The following DSCAM variants were observed in gnomAD, a reference collection of about 807,000 sequenced individuals.
DSCAM encodes the protein cell adhesion molecule DSCAM.
DSCAM carries 47 observed loss-of-function variants against 217.7 expected under a neutral mutation model. The observed-to-expected ratio is 0.22, with a 90% CI of 0.17 to 0.28. The LOEUF (loss-of-function observed/expected upper bound fraction) is 0.28. DSCAM is among the 10% of genes least tolerant of loss of function. The pLI is 1.00. For synonymous variants in DSCAM, 1,056 were observed against 1,015.3 expected (o/e 1.04, Z -0.76); for missense variants, 2,080 against 2,618.3 (o/e 0.79, Z 4.49).
At chr21:40,079,030 C>G in intron 25 of DSCAM, 53 bp from the exon 26 acceptor site, 2 of 1,576,062 alleles carry the variant, frequency 1.3e-6, no homozygotes, top group South Asian at 1.2e-5. Context: ...GGGAGGCCAT[C>G]AGCATCTTCA....
intron 18 of DSCAM, among the ~76,000 whole-genome samples, chr21:40,140,235 G>A (rs554962871): frequency 2.0e-4 from 31 of 152,206 alleles, no homozygotes; most frequent in African/African-American, 3.9e-4. Context: ...CTTATCTTTC[G>A]GAAATGAAGT....
intron 9 of DSCAM, among the ~76,000 whole-genome samples, chr21:40,308,329 A>G (rs927186856): frequency 2.0e-5 from 3 of 152,246 alleles, no homozygotes; most frequent in African/African-American, 4.8e-5. Flanking sequence ...AGTAACCCTT[A>G]TGCTGGGGAT....
At chr21:40,784,884 G>A (rs1304101410) in intron 1 of DSCAM, among the ~76,000 whole-genome samples, 1 of 152,192 alleles carries the variant, frequency 6.6e-6, no homozygotes, top group African/African-American at 2.4e-5. Flanking sequence ...GCACACAGGT[G>A]TGACATTCTG....
intron 5 of DSCAM, among the ~76,000 whole-genome samples, chr21:40,350,286 T>C (rs1471246730): frequency 6.6e-6 from 1 of 152,008 alleles, no homozygotes; most frequent in Non-Finnish European, 1.5e-5. Flanking sequence ...AATTGACAAA[T>C]GGGATCTAAT....
intron 8 of DSCAM, among the ~76,000 whole-genome samples, chr21:40,318,490 C>T (rs545222896): frequency 6.6e-6 from 1 of 152,308 alleles, no homozygotes; most frequent in South Asian, 2.1e-4. Flanking sequence ...CAACTCTCCC[C>T]TCTGCTGGCA....
chr21:40,095,484 G>T (rs748504681), intron 20 of DSCAM, among the ~76,000 whole-genome samples: 1 of 152,202 alleles, frequency 6.6e-6, no homozygotes, highest in Non-Finnish European at 1.5e-5. Flanking sequence ...CATTTAAAAT[G>T]TTCAGAATAG....
chr21:40,489,774 C>CAAAAA (rs35247505), intron 3 of DSCAM, among the ~76,000 whole-genome samples: 3,614 of 46,998 alleles, frequency 0.077, 763 homozygotes, highest in African/African-American at 0.099. Context: ...GACTCCGTCT[C>CAAAAA]AAAAAAAAAA....
At chr21:40,464,743 CTTT>C (rs931964730) in intron 3 of DSCAM, among the ~76,000 whole-genome samples, 5 of 141,212 alleles carry the variant, frequency 3.5e-5, no homozygotes, top group Non-Finnish European at 3.1e-5. Context: ...CCAGAACCAT[CTTT>C]TTTTTTTTTT....
At position 40,695,622 on chromosome 21, in the gene DSCAM, C is replaced by T. The variant is rs188171649; in HGVS notation, c.362-2666G>A. 6.4e-4 allele frequency among the ~76,000 whole-genome samples: 97 copies of T among 152,228 alleles called. No homozygotes were observed. In the East Asian group the frequency reaches 0.016, roughly 25 times the overall value. On this transcript the variant is annotated intron_variant, in intron 2 of 32. Coordinates refer to ENST00000400454, the MANE Select transcript of DSCAM (RefSeq NM_001389.5). ...ACACTCCCCATCCCTTCTCCTTATT[C>T]GATTACTCATTCCACAAAGATAGCC...
intron 1 of DSCAM, among the ~76,000 whole-genome samples, chr21:40,740,584 T>C (rs1305155593): frequency 1.3e-5 from 2 of 152,250 alleles, no homozygotes; most frequent in African/African-American, 2.4e-5. Context: ...TGCTGCTGTG[T>C]ATTTCAAGAA....
At position 40,075,068 on chromosome 21, in the gene DSCAM, C is replaced by T. The variant is rs2089345523; in HGVS notation, c.4857G>A (p.Arg1619=). The T allele has an allele frequency of 6.2e-7, 1 of 1,614,212 alleles. No individual in the cohort carries two copies. The highest frequency in any genetic ancestry group is 1.3e-5 in the African/African-American group (1 of 75,064). Residue 1619 remains arginine, a synonymous_variant, in exon 27 of 33, where the codon AGG becomes AGA. Coordinates refer to ENST00000400454, the MANE Select transcript of DSCAM (RefSeq NM_001389.5). The stretch of plus-strand genomic sequence containing the variant: ...GCCTCTTTAGCCTCTGCTCCCGCCG[C>T]CTCCTCCGCACAACCAGCAGGAGCA... ...LFVLLLVVRR[R]RREQRLKRLR... is the part of the protein sequence containing the mutation.
chr21:40,260,027 G>A (rs939967239), intron 11 of DSCAM, among the ~76,000 whole-genome samples: 9 of 152,040 alleles, frequency 5.9e-5, no homozygotes, highest in African/African-American at 1.4e-4. Flanking sequence ...GCGCCCAGCC[G>A]AGTCAGCCAT....
At chr21:40,752,151 A>G (rs1330673884) in intron 1 of DSCAM, among the ~76,000 whole-genome samples, 5 of 152,258 alleles carry the variant, frequency 3.3e-5, no homozygotes, top group African/African-American at 1.2e-4. Flanking sequence ...CTACCAATTA[A>G]CTACATAAGC....
intron 4 of DSCAM, among the ~76,000 whole-genome samples, chr21:40,364,097 A>T (rs1026006159): frequency 7.9e-5 from 12 of 152,226 alleles, no homozygotes; most frequent in East Asian, 3.8e-4. Flanking sequence ...AAACTAGTTC[A>T]AACATTGTGA....
intron 16 of DSCAM, among the ~76,000 whole-genome samples, chr21:40,161,443 T>G (rs954366731): frequency 2.6e-5 from 4 of 152,096 alleles, no homozygotes; most frequent in Non-Finnish European, 4.4e-5. Context: ...CCTCTTGATA[T>G]GAACCTTTTA....
chr21:40,231,124 G>T (rs2091378275), intron 11 of DSCAM, among the ~76,000 whole-genome samples: 1 of 137,634 alleles, frequency 7.3e-6, no homozygotes, highest in Non-Finnish European at 1.6e-5. Context: ...TCTGGAAGAG[G>T]TTTTTTTTTT....
At chr21:40,652,385 T>G (rs1460666126) in intron 3 of DSCAM, among the ~76,000 whole-genome samples, 1 of 152,004 alleles carries the variant, frequency 6.6e-6, no homozygotes, top group Non-Finnish European at 1.5e-5. Context: ...ATAAGAATCC[T>G]GCTTTGAGCT....
intron 10 of DSCAM, among the ~76,000 whole-genome samples, chr21:40,291,257 A>G (rs2073888781): frequency 6.6e-6 from 1 of 152,222 alleles, no homozygotes; most frequent in Admixed American, 6.5e-5. Flanking sequence ...TCCGGCTGAA[A>G]TTCCTGTCCT....
At chr21:40,180,810 T>A (rs995882530) in intron 14 of DSCAM, among the ~76,000 whole-genome samples, 2 of 151,752 alleles carry the variant, frequency 1.3e-5, no homozygotes, top group Admixed American at 1.3e-4. Flanking sequence ...CATATGAGTG[T>A]CCATGACTGC....
Sources: allele counts gnomAD v4.1 joint callset (sites outside exome capture counted in the v4.1 genomes callset), GRCh38; gene constraint gnomAD v4.1.1; transcripts MANE v1.5; gene names NCBI Gene and HGNC (gene_info 2026-07-23, HGNC 2026-07-21).